Variants in DPF3 observed in about 807,000 individuals in gnomAD.
DPF3 encodes double PHD fingers 3, also known as zinc finger protein DPF3.
Under a neutral mutation model 56.8 loss-of-function variants are expected in DPF3, and 18 were observed. The ratio of observed to expected loss-of-function variants is 0.32; its 90% CI spans 0.22 to 0.47. The LOEUF is 0.47. DPF3 is among the 20% of genes least tolerant of loss of function. The pLI is 1.00. For missense variants in DPF3, 403 were observed against 488.8 expected, an observed-to-expected ratio of 0.82 and a Z score of 1.65; for synonymous variants, 188 against 180.2, an observed-to-expected ratio of 1.04 and a Z score of -0.35.
At chr14:72,664,984 T>C (rs778966505) in intron 8 of DPF3, among the ~76,000 whole-genome samples, 8 of 152,222 alleles carry the variant, frequency 5.3e-5, no homozygotes, top group Non-Finnish European at 1.0e-4. Context: ...ATTTTTGCCA[T>C]TTTACATGGG....
intron 8 of DPF3, among the ~76,000 whole-genome samples, chr14:72,671,897 C>T (rs1286915248): frequency 6.6e-6 from 1 of 152,186 alleles, no homozygotes; most frequent in East Asian, 1.9e-4. Context: ...TACGCCATGT[C>T]GTTCATTTGC....
intron 7 of DPF3, chr14:72,679,138 A>AT (rs1470677908): frequency 3.3e-5 from 5 of 152,218 alleles, no homozygotes; most frequent in African/African-American, 1.2e-4. Flanking sequence ...CAAATCTTCC[A>AT]TAAAACTACC....
At chr14:72,776,394 T>G (rs1891744244) in intron 1 of DPF3, among the ~76,000 whole-genome samples, 1 of 152,078 alleles carries the variant, frequency 6.6e-6, no homozygotes, top group Non-Finnish European at 1.5e-5. Flanking sequence ...GCTTTGTGAG[T>G]GATGGAGGTA....
At chr14:72,780,794 T>G (rs201201951) in intron 1 of DPF3, among the ~76,000 whole-genome samples, 5,688 of 55,658 alleles carry the variant, frequency 0.1, 368 homozygotes, top group African/African-American at 0.26. Flanking sequence ...AGAAGCTCAC[T>G]GATTCTCAAT....
intron 1 of DPF3, among the ~76,000 whole-genome samples, chr14:72,812,610 A>T (rs1198008705): frequency 6.6e-6 from 1 of 152,026 alleles, no homozygotes; most frequent in Non-Finnish European, 1.5e-5. Flanking sequence ...CGGAGCGGAG[A>T]GTACGGAGAG....
At chr14:72,873,641 C>T (rs898510070) in intron 1 of DPF3, among the ~76,000 whole-genome samples, 77 of 152,260 alleles carry the variant, frequency 5.1e-4, no homozygotes, top group African/African-American at 1.7e-3. Context: ...TATTGCGGCA[C>T]TATTCACAAT....
rs948449794 is a variant in DPF3 at position 72,878,168 on chromosome 14, A to T, written c.32+15889T>A. Among the ~76,000 whole-genome samples the T allele has an allele frequency of 3.3e-5, 5 of 152,250 alleles. No individual in the cohort carries two copies. In the South Asian group the frequency reaches 6.2e-4, roughly 19 times the overall value. ...CCTGGGAGTCCGTGTCCACCTTGGG[A>T]CTTCCTCTTCCTCCTTCAGGCCTCT... On this transcript the variant is annotated intron_variant, in intron 1 of 10. Transcript: ENST00000556509.
intron 1 of DPF3, among the ~76,000 whole-genome samples, chr14:72,840,343 T>C (rs1412299682): frequency 6.6e-6 from 1 of 152,198 alleles, no homozygotes; most frequent in African/African-American, 2.4e-5. Flanking sequence ...TTCTGTGCAT[T>C]CCTTTATGCA....
intron 5 of DPF3, among the ~76,000 whole-genome samples, chr14:72,723,089 GGTTA>G (rs2139841353): frequency 6.6e-6 from 1 of 152,056 alleles, no homozygotes; most frequent in East Asian, 1.9e-4. Context: ...ACAATGTACG[GGTTA>G]GTTACATATG....
intron 1 of DPF3, among the ~76,000 whole-genome samples, chr14:72,829,189 A>C (rs998894262): frequency 4.6e-5 from 7 of 152,156 alleles, no homozygotes; most frequent in Admixed American, 4.6e-4. Context: ...ATACATGTGC[A>C]CTTTTTGTCC....
intron 1 of DPF3, among the ~76,000 whole-genome samples, chr14:72,795,230 G>A (rs575639325): frequency 2.1e-4 from 31 of 145,970 alleles, no homozygotes; most frequent in Admixed American, 3.5e-4. Flanking sequence ...TGAAAGAAAC[G>A]CAGTTATGTC....
chr14:72,767,884 A>G (rs1891358211), intron 2 of DPF3, among the ~76,000 whole-genome samples: 2 of 152,158 alleles, frequency 1.3e-5, no homozygotes, highest in African/African-American at 2.4e-5. Context: ...ACTAAAAACA[A>G]AGAAAAAACT....
rs1299284095 is a variant in DPF3 at position 72,655,303 on chromosome 14, G to A, written c.871+18937C>T. 5.3e-5 allele frequency among the ~76,000 whole-genome samples: 8 copies of A among 152,010 alleles called. No homozygotes were observed. The East Asian group carries it at 1.5e-3, about 29-fold the overall frequency. On this transcript the variant is annotated intron_variant, in intron 8 of 10. Coordinates refer to ENST00000556509, the MANE Select transcript of DPF3 (RefSeq NM_001280542.3). ...ATATGTAACATATATAAATATAATT[G>A]TATATATAATTAAATTCGTCTTCTA...
chr14:72,714,471 G>GCCT lies in DPF3; in HGVS notation c.553_555dup (p.Arg185dup). The GCCT allele has an allele frequency of 6.2e-7, 1 of 1,613,810 alleles. No homozygotes were observed. The highest frequency in any genetic ancestry group is 8.5e-7 in the Non-Finnish European group (1 of 1,179,784). On this transcript the variant is annotated inframe_insertion, in exon 6 of 11. Transcript: ENST00000556509. ...TGGTCTTCCTGAGAGGCGGCGTCGT[G>GCCT]CCTCCTCCTGCCCCCTGCAGAGCCG...
intron 9 of DPF3, 102 bp downstream of exon 9, chr14:72,629,522 G>T (rs1229573869): frequency 6.1e-6 from 7 of 1,139,154 alleles, no homozygotes; most frequent in South Asian, 5.7e-5. Flanking sequence ...AGGGTAACAG[G>T]CCCCAGGGGC....
In DPF3 at chr14:72,867,638, G is replaced by A. The variant is rs192185680; in HGVS notation, c.32+26419C>T. ...GTCTGAACAATTGAAGAGATGCCCC[G>A]CCCTCCATGACTATCAAAGTTGGGG... On this transcript the variant is annotated intron_variant, in intron 1 of 10. Transcript: ENST00000556509. Among the ~76,000 whole-genome samples, 409 of 152,260 alleles carry A rather than the reference G, an allele frequency of 2.7e-3. 3 individuals are homozygous for A. Among genetic ancestry groups the A allele is most frequent in the African/African-American group, 9.4e-3 (389 of 41,544 alleles).
chr14:72,846,865 C>T (rs1884783876), intron 1 of DPF3, among the ~76,000 whole-genome samples: 1 of 152,146 alleles, frequency 6.6e-6, no homozygotes, highest in Non-Finnish European at 1.5e-5. Context: ...CTGAGGAGGA[C>T]CTTGGAACAT....
intron 4 of DPF3, among the ~76,000 whole-genome samples, chr14:72,726,680 C>T (rs11158974): frequency 0.95 from 145,289 of 152,260 alleles, 69,354 homozygotes; most frequent in East Asian, 1. Context: ...CAGGAGTCGC[C>T]GACGGGGGTG....
chr14:72,830,201 T>C (rs1883994188), intron 1 of DPF3, among the ~76,000 whole-genome samples: 1 of 152,202 alleles, frequency 6.6e-6, no homozygotes, highest in African/African-American at 2.4e-5. Context: ...ATTTTCCAAA[T>C]TAAATCAGAG....
Sources: gnomAD v4.1 joint callset for allele counts (sites outside exome capture counted in the v4.1 genomes callset) on GRCh38, gnomAD v4.1.1 for gene constraint, MANE v1.5 for transcripts, NCBI Gene and HGNC (gene_info 2026-07-23, HGNC 2026-07-21) for gene names.